GSTO2: variants seen among roughly 807,000 people sequenced by gnomAD.
GSTO2 encodes the protein glutathione S-transferase omega 2, also known as glutathione S-transferase omega-2.
GSTO2 carries 23 observed loss-of-function variants against 28.4 expected under a neutral mutation model. The observed-to-expected ratio is 0.81, with a 90% CI of 0.58 to 1.15. GSTO2 has a LOEUF of 1.15. Among genes scored for constraint, GSTO2 ranks in the 50% most tolerant of loss-of-function variants. GSTO2 has a pLI of 0.00. For missense variants in GSTO2, 298 were observed against 297.8 expected (o/e 1.00, Z 0.00); for synonymous variants, 109 against 111.0 (o/e 0.98, Z 0.11).
At chr10:104,294,660 G>A (rs2012941837) in intron 5 of GSTO2, among the ~76,000 whole-genome samples, 1 of 152,194 alleles carries the variant, frequency 6.6e-6, no homozygotes, top group Non-Finnish European at 1.5e-5. Flanking sequence ...TGAGGGAAAT[G>A]TGTATGTGCA....
intron 5 of GSTO2, among the ~76,000 whole-genome samples, chr10:104,285,518 C>T (rs755893034): frequency 3.3e-5 from 5 of 152,088 alleles, no homozygotes; most frequent in Non-Finnish European, 7.4e-5. Flanking sequence ...GACACAATCA[C>T]GGCTCACTGC....
At chr10:104,297,387 C>T (rs1215365450) in intron 5 of GSTO2, 191 bp from the exon 6 acceptor site, 2 of 461,306 alleles carry the variant, frequency 4.3e-6, no homozygotes, top group Admixed American at 3.4e-5. Context: ...CAGAGGTGGC[C>T]AGGAGTGTGA....
chr10:104,283,014 G>A (rs780033609), intron 5 of GSTO2, among the ~76,000 whole-genome samples: 1 of 152,150 alleles, frequency 6.6e-6, no homozygotes, highest in Non-Finnish European at 1.5e-5. Context: ...GAAAAAGCAC[G>A]GATTTATAGC....
intron 6 of GSTO2, 30 bp from the exon 7 acceptor site, chr10:104,299,098 C>G (rs748446849): frequency 4.4e-6 from 7 of 1,598,944 alleles, no homozygotes; most frequent in Non-Finnish European, 5.1e-6. Context: ...TACCCCTGCA[C>G]TGTGCTGACG....
At chr10:104,277,212 A>G (rs1259983113) in intron 3 of GSTO2, among the ~76,000 whole-genome samples, 1 of 152,142 alleles carries the variant, frequency 6.6e-6, no homozygotes, top group Admixed American at 6.5e-5. Flanking sequence ...TTCAAGCTGT[A>G]GAATGTACTA....
intron 1 of GSTO2, among the ~76,000 whole-genome samples, chr10:104,271,233 C>T (rs1472449002): frequency 2.0e-5 from 3 of 152,168 alleles, no homozygotes; most frequent in Admixed American, 6.5e-5. Context: ...GCATTCAGCC[C>T]ATTCAATTGG....
intron 2 of GSTO2, 103 bp downstream of exon 2, chr10:104,275,052 G>A: frequency 6.7e-7 from 1 of 1,495,756 alleles, no homozygotes. Flanking sequence ...GGCGGGGCAG[G>A]AAGGGACTTG....
intron 5 of GSTO2, 99 bp from the exon 6 acceptor site, chr10:104,297,479 C>A: frequency 2.8e-6 from 2 of 726,446 alleles, no homozygotes; most frequent in South Asian, 1.7e-5. Context: ...GGCCTCAGTT[C>A]TCCCTCTCTG....
At position 104,302,712 on chromosome 10, in the gene GSTO2, C is replaced by T. The variant is rs929842917; in HGVS notation, c.*3428C>T. 5 of 152,158 alleles carry T rather than the reference C, an allele frequency of 3.3e-5. No homozygotes were observed. The highest frequency in any genetic ancestry group is 2.6e-4 in the Admixed American group (4 of 15,278). 9.4% of individuals were successfully genotyped at this position (152,158 alleles called of 1,614,324 possible). ...TAGATTTCTCATGAATGGTTTAGCA[C>T]CATTCTCTTGGTGCTGTTCTCATGA... On this transcript the variant is annotated 3_prime_UTR_variant, in exon 7 of 7. Coordinates refer to ENST00000338595, the MANE Select transcript of GSTO2 (RefSeq NM_183239.2).
At chr10:104,293,486 T>C (rs2012869151) in intron 5 of GSTO2, among the ~76,000 whole-genome samples, 1 of 151,628 alleles carries the variant, frequency 6.6e-6, no homozygotes, top group African/African-American at 2.4e-5. Context: ...GGTCTCAAAC[T>C]TCTGGGCTCA....
intron 5 of GSTO2, among the ~76,000 whole-genome samples, chr10:104,290,713 CAG>C (rs953153635): frequency 2.6e-5 from 4 of 152,030 alleles, no homozygotes; most frequent in African/African-American, 7.3e-5. Flanking sequence ...CTCATGAACA[CAG>C]AGAGTAGAAG....
At chr10:104,280,372 A>G (rs1248761641) in intron 5 of GSTO2, among the ~76,000 whole-genome samples, 1 of 152,164 alleles carries the variant, frequency 6.6e-6, no homozygotes, top group Admixed American at 6.5e-5. Context: ...CAGGCTCTGA[A>G]AAGGAGAATA....
At chr10:104,289,429 C>T (rs76562009) in intron 5 of GSTO2, among the ~76,000 whole-genome samples, 5,003 of 152,232 alleles carry the variant, frequency 0.033, 308 homozygotes, top group African/African-American at 0.11. Flanking sequence ...GAATTAAGCT[C>T]ATTAAAAGGA....
chr10:104,292,910 A>C (rs2012845717), intron 5 of GSTO2, among the ~76,000 whole-genome samples: 1 of 152,230 alleles, frequency 6.6e-6, no homozygotes, highest in Admixed American at 6.5e-5. Flanking sequence ...TAAGAAAGAC[A>C]AGACATTGGA....
intron 1 of GSTO2, among the ~76,000 whole-genome samples, chr10:104,271,545 C>A (rs2011407240): frequency 6.7e-6 from 1 of 148,964 alleles, no homozygotes; most frequent in Admixed American, 6.6e-5. Context: ...AGATAGCTTG[C>A]CTAAGTGCCA....
At chr10:104,280,237 C>A (rs1225973129) in intron 5 of GSTO2, among the ~76,000 whole-genome samples, 1 of 142,572 alleles carries the variant, frequency 7.0e-6, no homozygotes, top group Non-Finnish European at 1.5e-5. Context: ...TTCTTCATGA[C>A]ATTATCAGGA....
rs1463776004 is a variant in GSTO2, at chr10:104,304,369, C to T, written c.*5085C>T. 1 of 151,986 alleles carries T rather than the reference C, an allele frequency of 6.6e-6. No individual in the cohort carries two copies. The highest frequency in any genetic ancestry group is 2.4e-5 in the African/African-American group (1 of 41,386). The allele number at this position is 151,986 out of a possible 1,614,324, so 9.4% of individuals were successfully genotyped here. A position where few individuals can be genotyped will look rare whatever the true frequency, so the allele number is the denominator to read the frequency against. On this transcript the variant is annotated 3_prime_UTR_variant, in exon 7 of 7. Coordinates refer to ENST00000338595, the MANE Select transcript of GSTO2 (RefSeq NM_183239.2). ...GCAGCCCTCTGTTTTTTTTTCCAAC[C>T]AGTCTTTTCTCTTGCAAAGTTCAGA...
At chr10:104,281,940 A>G (rs2012073180) in intron 5 of GSTO2, among the ~76,000 whole-genome samples, 1 of 152,216 alleles carries the variant, frequency 6.6e-6, no homozygotes, top group South Asian at 2.1e-4. Context: ...TTCGGCAAAC[A>G]ATAATCAGTG....
At chr10:104,294,569 A>T (rs575709111) in intron 5 of GSTO2, among the ~76,000 whole-genome samples, 25 of 152,296 alleles carry the variant, frequency 1.6e-4, no homozygotes, top group African/African-American at 5.3e-4. Flanking sequence ...CCTGTCTGGG[A>T]TGGGGCTCAA....
Sources: allele counts gnomAD v4.1 joint callset (sites outside exome capture counted in the v4.1 genomes callset), GRCh38; gene constraint gnomAD v4.1.1; transcripts MANE v1.5; gene names NCBI Gene and HGNC (gene_info 2026-07-23, HGNC 2026-07-21).